The following C9orf43 variants were observed in gnomAD, a reference collection of about 807,000 sequenced individuals.
C9orf43 encodes the protein uncharacterized protein C9orf43.
In C9orf43, 45 loss-of-function variants were observed where a neutral mutation model predicts 59.1. The observed-to-expected ratio is 0.76, with a 90% CI of 0.60 to 0.98. C9orf43 has a LOEUF of 0.98. Ranked by LOEUF, C9orf43 falls within the 50% of genes least tolerant of loss-of-function variation. C9orf43 has a pLI of 0.00. For synonymous variants in C9orf43, 203 were observed against 196.8 expected (o/e 1.03, Z -0.26); for missense variants, 533 against 554.9 (o/e 0.96, Z 0.40).
chr9:113,425,573 A>G lies in C9orf43; in HGVS notation c.943-70A>G, dbSNP rs41276811. The G allele has an allele frequency of 1.6e-3, 2,434 of 1,539,858 alleles. 3 individuals are homozygous for G. Among genetic ancestry groups the G allele is most frequent in the Non-Finnish European group, 2.0e-3 (2,290 of 1,126,000 alleles). On this transcript the variant is annotated intron_variant, in intron 10 of 13. Transcript: ENST00000374165. ...GTAGATGTTAAATTCCTTCTTTTTG[A>G]TATTCCTTTTGAAAAAAGTTTTCTT... is the stretch of plus-strand genomic sequence containing the variant.
intron 12 of C9orf43, 99 bp from the exon 13 acceptor site, chr9:113,428,801 C>T: frequency 9.3e-7 from 1 of 1,071,044 alleles, no homozygotes; most frequent in Admixed American, 1.8e-5. Context: ...TCTGGCTCAT[C>T]TTAGATGTTA....
At chr9:113,417,558 G>GC (rs1162076073) in intron 3 of C9orf43, among the ~76,000 whole-genome samples, 20 of 152,308 alleles carry the variant, frequency 1.3e-4, no homozygotes, top group African/African-American at 4.8e-4. Flanking sequence ...TGAGAGGACC[G>GC]CCCCCTGGTG....
intron 11 of C9orf43, among the ~76,000 whole-genome samples, chr9:113,427,810 T>C (rs1828844083): frequency 1.3e-5 from 2 of 152,200 alleles, no homozygotes; most frequent in African/African-American, 4.8e-5. Flanking sequence ...GCTTTGTTTA[T>C]GGGTACATGA....
Position 113,422,576 on chromosome 9 carries a change from C to T in C9orf43, c.474C>T (p.Asn158=), listed in dbSNP as rs1588109855. Residue 158 remains asparagine, a synonymous_variant, in exon 6 of 14, where the codon AAC becomes AAT. Transcript: ENST00000374165. ...VSQHGKKKRK[N]SAVKSKSFLG... is the part of the protein sequence containing the mutation. ...AGCATGGGAAGAAGAAAAGAAAGAA[C>T]TCGGCAGTGGTGAGTTTGATGTTTT... is the stretch of plus-strand genomic sequence containing the variant. The T allele has an allele frequency of 1.2e-6, 2 of 1,613,926 alleles. No individual in the cohort carries two copies. The highest frequency in any genetic ancestry group is 1.7e-6 in the Non-Finnish European group (2 of 1,179,922).
At chr9:113,428,432 T>C (rs1828870535) in intron 12 of C9orf43, among the ~76,000 whole-genome samples, 2 of 152,236 alleles carry the variant, frequency 1.3e-5, no homozygotes, top group Admixed American at 6.5e-5. Context: ...GGCCTCTGCA[T>C]GTGGCTTATT....
At position 113,424,224 on chromosome 9, in the gene C9orf43, A is replaced by G. The variant is rs1315677385; in HGVS notation, c.715A>G (p.Met239Val). 39 of 1,613,986 alleles carry G rather than the reference A, an allele frequency of 2.4e-5. No individual in the cohort carries two copies. The highest frequency in any genetic ancestry group is 3.2e-5 in the Non-Finnish European group (38 of 1,179,984). ...TCCAGAGATGAAGATAAAATTGGCC[A>G]TGATGAAAAAGAATCTTCCCTTGGA... Reference protein sequence around the residue: ...LCPEMKIKLAMMKKNLPLEKN... With the variant: ...LCPEMKIKLAVMKKNLPLEKN... Residue 239 changes from methionine (M) to valine (V), a missense_variant, in exon 8 of 14, where the codon ATG becomes GTG. By Grantham distance (21) the Met-to-Val change is conservative. Coordinates refer to ENST00000374165, the MANE Select transcript of C9orf43 (RefSeq NM_001278629.2).
Position 113,411,016 on chromosome 9 carries a change from T to C in C9orf43, c.-50+15T>C, listed in dbSNP as rs1345571502. ...TTGTAATAATGGTACTAAGACTGAG[T>C]GTTATTTAGATTTTATTGTTGTTGT... is the stretch of plus-strand genomic sequence containing the variant. On this transcript the variant is annotated intron_variant, in intron 1 of 13. Coordinates refer to ENST00000374165, the MANE Select transcript of C9orf43 (RefSeq NM_001278629.2). 3.0e-6 allele frequency: 3 copies of C among 985,178 alleles called. No homozygotes were observed. The African/African-American group carries it at 5.2e-5, about 17-fold the overall frequency. The allele number at this position is 985,178 out of a possible 1,614,324, so 61.0% of individuals were successfully genotyped here. A position where few individuals can be genotyped will look rare whatever the true frequency, so the allele number is the denominator to read the frequency against.
intron 9 of C9orf43, 111 bp downstream of exon 9, chr9:113,425,187 G>A: frequency 6.9e-7 from 1 of 1,441,324 alleles, no homozygotes; most frequent in Non-Finnish European, 9.7e-7. Flanking sequence ...GTCATACAGG[G>A]TCACATGTAG....
chr9:113,420,099 A>C (rs951947154), intron 4 of C9orf43, among the ~76,000 whole-genome samples: 6 of 151,976 alleles, frequency 3.9e-5, no homozygotes, highest in African/African-American at 1.5e-4. Context: ...AACAATAATA[A>C]TTATTATTTT....
At chr9:113,424,947 A>G in intron 8 of C9orf43, 72 bp from the exon 9 acceptor site, 2 of 1,349,330 alleles carry the variant, frequency 1.5e-6, no homozygotes, top group South Asian at 1.2e-5. Flanking sequence ...GAATAAACGC[A>G]TTTGGGGGAT....
At chr9:113,424,429 C>A in intron 8 of C9orf43, 113 bp downstream of exon 8, 1 of 1,159,924 alleles carries the variant, frequency 8.6e-7, no homozygotes, top group Non-Finnish European at 1.2e-6. Flanking sequence ...CCTTTCCACT[C>A]TGAACCCATG....
Position 113,421,168 on chromosome 9 carries a change from A to G in C9orf43, c.411A>G (p.Val137=), listed in dbSNP as rs1293137436. ...PCPEDVRNMV[V]LWIPEETEIH... ...CTGAAGATGTTAGAAATATGGTTGT[A>G]TTGTGGATCCCAGAAGAAACAGAGA... Residue 137 remains valine, a synonymous_variant, in exon 5 of 14, where the codon GTA becomes GTG. Transcript: ENST00000374165. 7 of 1,613,568 alleles carry G rather than the reference A, an allele frequency of 4.3e-6. No homozygotes were observed. The highest frequency in any genetic ancestry group is 5.1e-6 in the Non-Finnish European group (6 of 1,179,630).
Position 113,411,015 on chromosome 9 carries a change from G to A in C9orf43, c.-50+14G>A, listed in dbSNP as rs937864188. On this transcript the variant is annotated intron_variant, in intron 1 of 13. Coordinates refer to ENST00000374165, the MANE Select transcript of C9orf43 (RefSeq NM_001278629.2). ...TTTGTAATAATGGTACTAAGACTGA[G>A]TGTTATTTAGATTTTATTGTTGTTG... is the stretch of plus-strand genomic sequence containing the variant. 4.8e-5 allele frequency: 47 copies of A among 985,300 alleles called. No individual in the cohort carries two copies. Among genetic ancestry groups the A allele is most frequent in the Non-Finnish European group, 5.4e-5 (45 of 829,944 alleles). 61.0% of individuals were successfully genotyped at this position (985,300 alleles called of 1,614,324 possible).
intron 3 of C9orf43, among the ~76,000 whole-genome samples, chr9:113,417,173 A>G (rs996220367): frequency 3.3e-5 from 5 of 152,194 alleles, no homozygotes. Context: ...TCAACAATGC[A>G]TGGCAAGTAG....
At position 113,429,514 on chromosome 9, in the gene C9orf43, A is replaced by G; in HGVS notation, c.*128A>G. On this transcript the variant is annotated 3_prime_UTR_variant, in exon 14 of 14. Coordinates refer to ENST00000374165, the MANE Select transcript of C9orf43 (RefSeq NM_001278629.2). ...GAGGAGAGGGGCTTCTGCTCTCTGG[A>G]GCCTTTACCAGGGCCTGAGCTCTGA... 1 of 713,894 alleles carries G rather than the reference A, an allele frequency of 1.4e-6. No individual in the cohort carries two copies. Among genetic ancestry groups the G allele is most frequent in the Non-Finnish European group, 2.3e-6 (1 of 426,468 alleles). 44.2% of individuals were successfully genotyped at this position (713,894 alleles called of 1,614,324 possible). A position where few individuals can be genotyped will look rare whatever the true frequency, so the allele number is the denominator to read the frequency against.
chr9:113,421,690 GTGTT>G (rs1391238996), intron 5 of C9orf43, among the ~76,000 whole-genome samples: 1 of 152,178 alleles, frequency 6.6e-6, no homozygotes, highest in Non-Finnish European at 1.5e-5. Context: ...CATGGGGAAA[GTGTT>G]TGGTTCTTCT....
chr9:113,420,728 T>G (rs1238358344), intron 4 of C9orf43: 2 of 984,196 alleles, frequency 2.0e-6, no homozygotes, highest in Non-Finnish European at 1.2e-6. Context: ...GTTCTCTTCC[T>G]GCTCCCAAAC....
chr9:113,426,170 T>C (rs892458950), intron 11 of C9orf43, among the ~76,000 whole-genome samples: 1 of 152,130 alleles, frequency 6.6e-6, no homozygotes, highest in Non-Finnish European at 1.5e-5. Context: ...CCCCTAACCT[T>C]CCTGCCACAA....
At chr9:113,425,471 G>T in intron 10 of C9orf43, 51 bp downstream of exon 10, 1 of 1,574,572 alleles carries the variant, frequency 6.4e-7, no homozygotes, top group Non-Finnish European at 8.6e-7. Context: ...CTACAGCCTG[G>T]AATGGGAAGG....
Sources: allele counts gnomAD v4.1 joint callset (sites outside exome capture counted in the v4.1 genomes callset), GRCh38; gene constraint gnomAD v4.1.1; transcripts MANE v1.5; gene names NCBI Gene and HGNC (gene_info 2026-07-23, HGNC 2026-07-21).